Variants in LARGE1 observed in about 807,000 individuals in gnomAD.
The protein encoded by LARGE1 is xylosyl- and glucuronyltransferase LARGE1.
Under a neutral mutation model 87.6 loss-of-function variants are expected in LARGE1, and 43 were observed. The ratio of observed to expected loss-of-function variants is 0.49; its 90% CI spans 0.38 to 0.63. The LOEUF (loss-of-function observed/expected upper bound fraction) is 0.63, where lower values mean the gene tolerates loss of function less well. Ranked by LOEUF, LARGE1 falls within the 30% of genes least tolerant of loss-of-function variation. LARGE1 has a pLI of 0.00. For synonymous variants in LARGE1, 434 were observed against 394.6 expected (o/e 1.10, Z -1.18); for missense variants, 802 against 1,000.2 (o/e 0.80, Z 2.67).
chr22:33,197,813 G>T lies in LARGE1; in HGVS notation c.1731-30981C>A, dbSNP rs139952138. On this transcript the variant is annotated intron_variant, in intron 11 of 11. Transcript: ENST00000608642. ...TAAAATTGTTATGTAAATATAAAAG[G>T]CCTAGAATAGCAAAGCAATTAAAAA... 4.6e-3 allele frequency among the ~76,000 whole-genome samples: 694 copies of T among 152,074 alleles called. 4 individuals are homozygous for T. The highest frequency in any genetic ancestry group is 0.01 in the Middle Eastern group (3 of 294).
chr22:33,113,902 G>C, the LARGE1 span, among the ~76,000 whole-genome samples: 1 of 147,924 alleles, frequency 6.8e-6, no homozygotes, highest in African/African-American at 2.5e-5. Context: ...ACGGAGTCTC[G>C]CTCTATCGCC....
chr22:33,471,395 C>T (rs1347684192), intron 6 of LARGE1, among the ~76,000 whole-genome samples: 1 of 151,986 alleles, frequency 6.6e-6, no homozygotes, highest in East Asian at 1.9e-4. Flanking sequence ...CCGAACAACC[C>T]CACAAAGTAC....
chr22:33,493,108 C>T (rs1424531624), intron 6 of LARGE1, among the ~76,000 whole-genome samples: 3 of 150,924 alleles, frequency 2.0e-5, no homozygotes, highest in Non-Finnish European at 4.4e-5. Flanking sequence ...TTCCTTCCTG[C>T]TAAAACCATC....
chr22:33,729,499 AAT>A (rs1199886407), intron 2 of LARGE1, among the ~76,000 whole-genome samples: 1 of 152,228 alleles, frequency 6.6e-6, no homozygotes, highest in Non-Finnish European at 1.5e-5. Context: ...ATGAGAGATA[AAT>A]ATGCTAATAA....
intron 9 of LARGE1, among the ~76,000 whole-genome samples, chr22:33,359,014 AT>A (rs2064283738): frequency 1.4e-5 from 2 of 145,278 alleles, no homozygotes; most frequent in East Asian, 2.0e-4. Context: ...AAAAAAAAAA[AT>A]TCAAATGTCC....
At chr22:33,736,164 G>C (rs1244396289) in intron 2 of LARGE1, among the ~76,000 whole-genome samples, 1 of 152,206 alleles carries the variant, frequency 6.6e-6, no homozygotes, top group African/African-American at 2.4e-5. Context: ...ACCTGGAGCG[G>C]AATTGCTGGG....
rs539424695 is a variant in LARGE1 at position 33,384,785 on chromosome 22, GA to G, written c.893-482del. Among the ~76,000 whole-genome samples the G allele has an allele frequency of 7.0e-4, 104 of 148,300 alleles. 10 individuals are homozygous for G. The highest frequency in any genetic ancestry group is 1.3e-3 in the Non-Finnish European group (89 of 66,296). ...GTTATGTATATCTCACCACAATAAT[GA>G]AAAAAAAGATTCTAGCTCTGCACTG... On this transcript the variant is annotated intron_variant, in intron 7 of 14. Coordinates refer to ENST00000397394, the MANE Select transcript of LARGE1 (RefSeq NM_133642.5).
intron 7 of LARGE1, among the ~76,000 whole-genome samples, chr22:33,415,196 C>T (rs895498914): frequency 2.4e-4 from 36 of 152,164 alleles, no homozygotes; most frequent in Non-Finnish European, 4.1e-4. Flanking sequence ...GCAGGGGAGG[C>T]CCAGCTCAGG....
At chr22:33,911,226 A>G (rs2065626898) in intron 1 of LARGE1, among the ~76,000 whole-genome samples, 1 of 152,160 alleles carries the variant, frequency 6.6e-6, no homozygotes, top group Non-Finnish European at 1.5e-5. Context: ...TCCCCTCTGA[A>G]TAATCATCTT....
intron 1 of LARGE1, among the ~76,000 whole-genome samples, chr22:33,894,980 G>A (rs1180865012): frequency 6.6e-6 from 1 of 152,142 alleles, no homozygotes; most frequent in African/African-American, 2.4e-5. Flanking sequence ...AAATGGGGCA[G>A]AATATTTGCA....
intron 4 of LARGE1, among the ~76,000 whole-genome samples, chr22:33,617,261 A>C (rs978426183): frequency 6.6e-6 from 1 of 152,200 alleles, no homozygotes; most frequent in Non-Finnish European, 1.5e-5. Flanking sequence ...TTCATTCTTT[A>C]TATGCGTGAC....
the LARGE1 span, among the ~76,000 whole-genome samples, chr22:33,116,937 A>T: frequency 6.6e-6 from 1 of 152,178 alleles, no homozygotes; most frequent in Non-Finnish European, 1.5e-5. Flanking sequence ...ATAAATCAGG[A>T]AAGGTCACAA....
At chr22:33,130,745 G>C in the LARGE1 span, among the ~76,000 whole-genome samples, 2 of 152,068 alleles carry the variant, frequency 1.3e-5, no homozygotes, top group East Asian at 3.9e-4. Flanking sequence ...AACGGGACAG[G>C]TGAGAAAGCA....
chr22:33,824,664 G>T (rs1024153111), intron 1 of LARGE1, among the ~76,000 whole-genome samples: 2 of 152,090 alleles, frequency 1.3e-5, no homozygotes, highest in Non-Finnish European at 2.9e-5. Context: ...TACACACGAG[G>T]TTTATATTTA....
chr22:33,276,915 C>T (rs1929416195), intron 14 of LARGE1, 145 bp downstream of exon 14: 2 of 827,572 alleles, frequency 2.4e-6, no homozygotes, highest in South Asian at 1.4e-5. Flanking sequence ...GATCAAGAGC[C>T]CAAGGATCAG....
intron 6 of LARGE1, among the ~76,000 whole-genome samples, chr22:33,448,904 A>G (rs1232104699): frequency 6.6e-6 from 1 of 152,108 alleles, no homozygotes; most frequent in African/African-American, 2.4e-5. Flanking sequence ...GGGTCCATCC[A>G]CTTCCCCACA....
the LARGE1 span, among the ~76,000 whole-genome samples, chr22:33,100,931 A>G: frequency 6.6e-6 from 1 of 151,004 alleles, no homozygotes; most frequent in African/African-American, 2.4e-5. Flanking sequence ...CCTGGGAGGC[A>G]GACTCCCAAG....
intron 1 of LARGE1, among the ~76,000 whole-genome samples, chr22:33,903,323 G>A (rs1159977743): frequency 6.6e-6 from 1 of 152,096 alleles, no homozygotes; most frequent in African/African-American, 2.4e-5. Context: ...CCTGATCTCA[G>A]ACTTCCAGCC....
At chr22:33,111,376 G>A in the LARGE1 span, among the ~76,000 whole-genome samples, 1 of 152,028 alleles carries the variant, frequency 6.6e-6, no homozygotes, top group Admixed American at 6.6e-5. Flanking sequence ...CATCTTGCTG[G>A]GCTTTACCAA....
Sources: allele counts gnomAD v4.1 joint callset (sites outside exome capture counted in the v4.1 genomes callset), GRCh38; gene constraint gnomAD v4.1.1; transcripts MANE v1.5; gene names NCBI Gene and HGNC (gene_info 2026-07-23, HGNC 2026-07-21).